LNPEP: variants seen among roughly 807,000 people sequenced by gnomAD.
The protein encoded by LNPEP is leucyl and cystinyl aminopeptidase, also known as leucyl-cystinyl aminopeptidase.
In LNPEP, 64 loss-of-function variants were observed where a neutral mutation model predicts 120.6. The observed-to-expected ratio is 0.53, with a 90% CI of 0.43 to 0.65. The LOEUF (loss-of-function observed/expected upper bound fraction) is 0.65, where lower values mean the gene tolerates loss of function less well. Among genes scored for constraint, LNPEP ranks in the 30% least tolerant of loss-of-function variants. The pLI is 0.00. For missense variants in LNPEP, 1,057 were observed against 1,200.0 expected, an observed-to-expected ratio of 0.88 and a Z score of 1.76; for synonymous variants, 435 against 425.4, an observed-to-expected ratio of 1.02 and a Z score of -0.28.
Position 97,003,557 on chromosome 5 carries a change from TG to T in LNPEP, c.1785+14del. 1 of 1,570,616 alleles carries T rather than the reference TG, an allele frequency of 6.4e-7. No individual in the cohort carries two copies. On this transcript the variant is annotated intron_variant, in intron 9 of 17. Coordinates refer to ENST00000231368, the MANE Select transcript of LNPEP (RefSeq NM_005575.3). ...GATAGTTTTAATGAGGTAAGTGACC[TG>T]GGTAATTTATTTAGCTCTTACTGTA...
intron 11 of LNPEP, chr5:97,010,221 A>G: frequency 1.1e-6 from 1 of 924,102 alleles, no homozygotes; most frequent in Non-Finnish European, 1.3e-6. Context: ...TCTTATCCAC[A>G]TTTTACTCAG....
Position 96,936,109 on chromosome 5 carries a change from T to TA in LNPEP, c.-46dup. On this transcript the variant is annotated 5_prime_UTR_variant, in exon 1 of 18. Coordinates refer to ENST00000231368, the MANE Select transcript of LNPEP (RefSeq NM_005575.3). ...AGCTGGGCCGCCTCAGCTCTCGGAG[T>TA]AGGAAGCTCGGGCGCTCCGGCTGTA... 6.6e-7 allele frequency: 1 copy of TA among 1,513,722 alleles called. No homozygotes were observed. The highest frequency in any genetic ancestry group is 2.1e-5 in the Admixed American group (1 of 48,292). The allele number at this position is 1,513,722 out of a possible 1,614,324, so 93.8% of individuals were successfully genotyped here.
intron 13 of LNPEP, among the ~76,000 whole-genome samples, chr5:97,020,381 C>T (rs185761118): frequency 3.6e-4 from 55 of 152,216 alleles, no homozygotes; most frequent in Admixed American, 1.2e-3. Flanking sequence ...TGAGATGCCA[C>T]GATGGTGGTG....
chr5:96,996,384 C>G lies in LNPEP; in HGVS notation c.1408-6C>G. The stretch of plus-strand genomic sequence containing the variant: ...CCTGTGGGTTAATTGTTTTCTCTCC[C>G]CCCAGTGGTTTGGCAATCTGGTAAC... On this transcript the variant is annotated splice_region_variant and splice_polypyrimidine_tract_variant and intron_variant, in intron 6 of 17. Transcript: ENST00000231368. 6.5e-7 allele frequency: 1 copy of G among 1,539,516 alleles called. No individual in the cohort carries two copies. The highest frequency in any genetic ancestry group is 9.0e-7 in the Non-Finnish European group (1 of 1,112,288).
rs548476043 is a variant in LNPEP, at chr5:97,031,479, A to G, written c.*2946A>G. Reference sequence around the variant, plus strand: ...CATATGTGTTTCCATTTTGTGGGACATTAGCCACCACAGGAACACAAGAGT... The same window carrying G: ...CATATGTGTTTCCATTTTGTGGGACGTTAGCCACCACAGGAACACAAGAGT... On this transcript the variant is annotated 3_prime_UTR_variant, in exon 18 of 18. Transcript: ENST00000231368. 2 of 152,324 alleles carry G rather than the reference A, an allele frequency of 1.3e-5. No individual in the cohort carries two copies. The highest frequency in any genetic ancestry group is 3.9e-4 in the East Asian group (2 of 5,184). The allele number at this position is 152,324 out of a possible 1,614,324, so 9.4% of individuals were successfully genotyped here. A position where few individuals can be genotyped will look rare whatever the true frequency, so the allele number is the denominator to read the frequency against.
intron 4 of LNPEP, among the ~76,000 whole-genome samples, chr5:96,988,566 G>A (rs1790298043): frequency 6.6e-6 from 1 of 151,730 alleles, no homozygotes. Flanking sequence ...TCTAACTCCT[G>A]ACCTTGTGAT....
intron 1 of LNPEP, among the ~76,000 whole-genome samples, chr5:96,972,906 G>A (rs1276024488): frequency 6.6e-6 from 1 of 152,090 alleles, no homozygotes; most frequent in African/African-American, 2.4e-5. Context: ...GGCAGCAGAA[G>A]AAAGACCTTA....
chr5:97,015,087 A>T lies in LNPEP; in HGVS notation c.2368A>T (p.Arg790Ter). 1 of 1,561,682 alleles carries T rather than the reference A, an allele frequency of 6.4e-7. No homozygotes were observed. Among genetic ancestry groups the T allele is most frequent in the Non-Finnish European group, 8.6e-7 (1 of 1,157,362 alleles). Residue 790 changes from arginine to a stop codon, truncating the protein, a stop_gained, in exon 13 of 18, where the codon AGA becomes TGA. Coordinates refer to ENST00000231368, the MANE Select transcript of LNPEP (RefSeq NM_005575.3). LOFTEE classifies it high-confidence loss of function. The stretch of plus-strand genomic sequence containing the variant: ...ACTGGGATACATGGATCTGGCCTCA[A>T]GACTGGTGGTAAGTCTGCCTTTTTG... Reference protein sequence around the residue: ...EKLGYMDLASRLVTRVFKLLQ... With the variant: ...EKLGYMDLAS
chr5:96,977,734 A>G (rs1211986084), intron 1 of LNPEP, among the ~76,000 whole-genome samples: 1 of 152,176 alleles, frequency 6.6e-6, no homozygotes, highest in Non-Finnish European at 1.5e-5. Flanking sequence ...CACAAAATAC[A>G]TAGCATTTAT....
chr5:97,004,394 C>G (rs889765905), intron 9 of LNPEP, among the ~76,000 whole-genome samples: 2 of 152,004 alleles, frequency 1.3e-5, no homozygotes, highest in African/African-American at 4.8e-5. Flanking sequence ...TGCCTGTAGT[C>G]TCAGCTACTT....
In LNPEP at chr5:97,033,656, G is replaced by C. The variant is rs1038862729; in HGVS notation, c.*5123G>C. ...GAAAATTGAGGTTCAGCCTGTAGCA[G>C]CTCTCCTCTTCTGCCCTTCCCTTAG... On this transcript the variant is annotated 3_prime_UTR_variant, in exon 18 of 18. Transcript: ENST00000231368. The C allele has an allele frequency of 6.6e-6, 1 of 152,206 alleles. No individual in the cohort carries two copies. The highest frequency in any genetic ancestry group is 1.5e-5 in the Non-Finnish European group (1 of 68,024). The allele number at this position is 152,206 out of a possible 1,614,324, so 9.4% of individuals were successfully genotyped here.
chr5:96,939,837 C>G (rs1196472103), intron 1 of LNPEP, among the ~76,000 whole-genome samples: 1 of 152,012 alleles, frequency 6.6e-6, no homozygotes, highest in Non-Finnish European at 1.5e-5. Context: ...TTTAATCTTA[C>G]AAATAACAAT....
At position 97,029,078 on chromosome 5, in the gene LNPEP, ATTCT is replaced by A. The variant is rs927271425; in HGVS notation, c.*548_*551del. ...CTACTTTGATTTGGGGTTTTGATTA[ATTCT>A]TTATTTTTCTGAAAAAAAGTTTAAA... On this transcript the variant is annotated 3_prime_UTR_variant, in exon 18 of 18. Transcript: ENST00000231368. 3.3e-5 allele frequency: 5 copies of A among 152,298 alleles called. No homozygotes were observed. The highest frequency in any genetic ancestry group is 4.8e-5 in the African/African-American group (2 of 41,426). The allele number at this position is 152,298 out of a possible 1,614,324, so 9.4% of individuals were successfully genotyped here. A position where few individuals can be genotyped will look rare whatever the true frequency, so the allele number is the denominator to read the frequency against.
rs1467616049 is a variant in LNPEP, at chr5:96,986,687, A to G, written c.1131+17A>G. 5.0e-6 allele frequency: 8 copies of G among 1,612,046 alleles called. No homozygotes were observed. Among genetic ancestry groups the G allele is most frequent in the Non-Finnish European group, 6.8e-6 (8 of 1,178,668 alleles). On this transcript the variant is annotated intron_variant, in intron 4 of 17. Transcript: ENST00000231368. The stretch of plus-strand genomic sequence containing the variant: ...GGAACCCTGGTATGTTGATGTGGTA[A>G]TTGTCTGAAAGCCTGTGTCACAAGA...
At chr5:96,956,091 G>C (rs984864569) in intron 1 of LNPEP, among the ~76,000 whole-genome samples, 1 of 119,566 alleles carries the variant, frequency 8.4e-6, no homozygotes, top group Non-Finnish European at 1.9e-5. Context: ...TTGTGAAATG[G>C]CTGTTTAAAT....
At chr5:96,968,143 C>G (rs777047126) in intron 1 of LNPEP, among the ~76,000 whole-genome samples, 2 of 152,032 alleles carry the variant, frequency 1.3e-5, no homozygotes, top group Non-Finnish European at 2.9e-5. Context: ...TGCATAATTT[C>G]CTTTTTCCAG....
intron 6 of LNPEP, 131 bp from the exon 7 acceptor site, chr5:96,996,258 AC>A (rs1441718791): frequency 5.8e-6 from 3 of 513,194 alleles, no homozygotes; most frequent in Non-Finnish European, 7.0e-6. Context: ...GTTTGTTTTA[AC>A]TATAGTATCA....
chr5:97,003,686 A>G (rs533788090), intron 9 of LNPEP, 140 bp downstream of exon 9: 72 of 465,256 alleles, frequency 1.5e-4, no homozygotes, highest in African/African-American at 1.4e-3. Context: ...AGCTTGCTAT[A>G]TAAATATTTA....
At chr5:96,981,866 G>A (rs955701617) in intron 2 of LNPEP, among the ~76,000 whole-genome samples, 1 of 152,086 alleles carries the variant, frequency 6.6e-6, no homozygotes, top group Non-Finnish European at 1.5e-5. Context: ...TTCAGGATAG[G>A]GATGTGTTTC....
Sources: allele counts gnomAD v4.1 joint callset (sites outside exome capture counted in the v4.1 genomes callset), GRCh38; gene constraint gnomAD v4.1.1; transcripts MANE v1.5; gene names NCBI Gene and HGNC (gene_info 2026-07-23, HGNC 2026-07-21).